RNF150: variants seen among roughly 807,000 people sequenced by gnomAD.
RNF150 encodes the protein ring finger protein 150.
Under a neutral mutation model 39.3 loss-of-function variants are expected in RNF150, and 24 were observed. The observed-to-expected ratio is 0.61, with a 90% CI of 0.44 to 0.86. RNF150 has a LOEUF of 0.86. RNF150 is among the 40% of genes least tolerant of loss of function. The pLI, the probability that RNF150 is intolerant of heterozygous loss-of-function variation, is 0.00. For missense variants in RNF150, 502 were observed against 587.8 expected (o/e 0.85, Z 1.51); for synonymous variants, 255 against 227.3 (o/e 1.12, Z -1.10).
chr4:141,087,312 G>A (rs1738404205), intron 1 of RNF150, among the ~76,000 whole-genome samples: 1 of 152,194 alleles, frequency 6.6e-6, no homozygotes. Context: ...CAAAAGACAT[G>A]ACCATGGTTT....
intron 1 of RNF150, among the ~76,000 whole-genome samples, chr4:141,164,640 G>A (rs1280043990): frequency 6.6e-6 from 1 of 152,096 alleles, no homozygotes; most frequent in East Asian, 1.9e-4. Flanking sequence ...AAGAGAGTGG[G>A]GGCCAATATT....
chr4:141,045,482 T>C (rs1736537520), intron 1 of RNF150, among the ~76,000 whole-genome samples: 1 of 152,172 alleles, frequency 6.6e-6, no homozygotes, highest in Non-Finnish European at 1.5e-5. Flanking sequence ...CTCTTTTAAA[T>C]TTAGGAATAC....
At chr4:140,964,415 A>G (rs1733155077) in intron 2 of RNF150, among the ~76,000 whole-genome samples, 2 of 152,112 alleles carry the variant, frequency 1.3e-5, no homozygotes, top group South Asian at 4.1e-4. Context: ...TGCCTGCAGC[A>G]TATAATAAAT....
At chr4:141,000,084 A>G (rs56249993) in intron 1 of RNF150, among the ~76,000 whole-genome samples, 2,987 of 21,974 alleles carry the variant, frequency 0.14, 551 homozygotes, top group Admixed American at 0.19. Context: ...GAAGAAGAAG[A>G]AGGAGAAGAA....
chr4:141,198,007 C>T (rs1342084449), intron 1 of RNF150, among the ~76,000 whole-genome samples: 1 of 151,456 alleles, frequency 6.6e-6, no homozygotes, highest in Non-Finnish European at 1.5e-5. Context: ...TCACTACGAA[C>T]TATCTTGCAA....
intron 1 of RNF150, among the ~76,000 whole-genome samples, chr4:141,036,233 A>C (rs1367294562): frequency 1.3e-5 from 2 of 152,150 alleles, no homozygotes; most frequent in African/African-American, 4.8e-5. Context: ...TGTCTTGTTC[A>C]TTGCTGTGCT....
intron 1 of RNF150, among the ~76,000 whole-genome samples, chr4:140,986,488 A>G (rs1359269857): frequency 6.6e-6 from 1 of 152,130 alleles, no homozygotes; most frequent in Non-Finnish European, 1.5e-5. Flanking sequence ...CGTTTGAACC[A>G]GCAGCTCTCA....
rs1027616189 is a variant in RNF150 at position 141,005,843 on chromosome 4, C to T, written c.485-37970G>A. Among the ~76,000 whole-genome samples the T allele has an allele frequency of 1.0e-3, 135 of 130,166 alleles. 12 individuals carry two copies. The highest frequency in any genetic ancestry group is 3.6e-3 in the African/African-American group (122 of 34,360). The allele number at this position is 130,166 out of a possible 152,430, so 85.4% of individuals were successfully genotyped here. ...CAGCACTTTGGGAGGCCGAGGCGGG[C>T]GGATCACGAGGTCAGGAGATCGAGA... On this transcript the variant is annotated intron_variant, in intron 1 of 6. Coordinates refer to ENST00000515673, the MANE Select transcript of RNF150 (RefSeq NM_020724.2).
Position 140,864,040 on chromosome 4 carries a change from C to T in RNF150, c.*4221G>A, listed in dbSNP as rs10023689. On this transcript the variant is annotated 3_prime_UTR_variant, in exon 7 of 7. Coordinates refer to ENST00000515673, the MANE Select transcript of RNF150 (RefSeq NM_020724.2). ...TGAAATGGCCACTGGGCATGGTGAG[C>T]TTTGAAATGACCAAACCCAGATCTA... The T allele has an allele frequency of 0.98, 149,260 of 152,304 alleles. 73,195 individuals are homozygous for T. The highest frequency in any genetic ancestry group is 1 in the East Asian group (5,184 of 5,184). 9.4% of individuals were successfully genotyped at this position (152,304 alleles called of 1,614,324 possible).
chr4:141,075,216 G>A (rs1213579894), intron 1 of RNF150, among the ~76,000 whole-genome samples: 1 of 152,208 alleles, frequency 6.6e-6, no homozygotes, highest in Non-Finnish European at 1.5e-5. Context: ...CATATTATCT[G>A]TTGCAACTAT....
intron 1 of RNF150, among the ~76,000 whole-genome samples, chr4:141,130,288 C>A (rs1183030820): frequency 6.6e-6 from 1 of 152,210 alleles, no homozygotes; most frequent in African/African-American, 2.4e-5. Flanking sequence ...TAGCCTCTGA[C>A]TGAAGTGAAC....
intron 6 of RNF150, among the ~76,000 whole-genome samples, chr4:140,885,676 T>C (rs1479016981): frequency 6.7e-6 from 1 of 149,448 alleles, no homozygotes; most frequent in Non-Finnish European, 1.5e-5. Context: ...CCTCAGGTGA[T>C]CTGCCCACCT....
intron 6 of RNF150, among the ~76,000 whole-genome samples, chr4:140,902,876 A>G (rs577775495): frequency 1.3e-5 from 2 of 152,224 alleles, no homozygotes; most frequent in Non-Finnish European, 1.5e-5. Context: ...AAATGAAGAT[A>G]GACAGATGCT....
upstream of RNF150, among the ~76,000 whole-genome samples, chr4:141,133,730 C>G (rs780333523): frequency 3.9e-5 from 6 of 152,096 alleles, no homozygotes; most frequent in Non-Finnish European, 7.4e-5. Flanking sequence ...CTCTCGTAAA[C>G]GACCCTCCCG....
At chr4:140,987,899 A>G (rs1734065119) in intron 1 of RNF150, among the ~76,000 whole-genome samples, 1 of 152,218 alleles carries the variant, frequency 6.6e-6, no homozygotes. Context: ...CAAGGAACTT[A>G]AATAATTGAA....
intron 1 of RNF150, among the ~76,000 whole-genome samples, chr4:141,167,882 G>A (rs1170832861): frequency 6.6e-6 from 1 of 152,072 alleles, no homozygotes; most frequent in East Asian, 1.9e-4. Flanking sequence ...CATAGGCATG[G>A]GCAAAGACTT....
intron 1 of RNF150, among the ~76,000 whole-genome samples, chr4:141,204,500 T>C (rs530352981): frequency 6.6e-6 from 1 of 152,294 alleles, no homozygotes; most frequent in South Asian, 2.1e-4. Context: ...TAGTAGACAC[T>C]AAAGAAGTAC....
chr4:141,090,559 T>A (rs1738542010), intron 1 of RNF150, among the ~76,000 whole-genome samples: 1 of 152,168 alleles, frequency 6.6e-6, no homozygotes, highest in Admixed American at 6.5e-5. Context: ...TAGAGGCTCA[T>A]GACCACCAAC....
chr4:140,932,817 AT>A (rs1731704631), intron 4 of RNF150, among the ~76,000 whole-genome samples: 1 of 152,200 alleles, frequency 6.6e-6, no homozygotes, highest in Non-Finnish European at 1.5e-5. Context: ...GAAATGACAG[AT>A]TTCACTTCAG....
Sources: gnomAD v4.1 joint callset for allele counts (sites outside exome capture counted in the v4.1 genomes callset) on GRCh38, gnomAD v4.1.1 for gene constraint, MANE v1.5 for transcripts, NCBI Gene and HGNC (gene_info 2026-07-23, HGNC 2026-07-21) for gene names.